TET3: variants seen among roughly 807,000 people sequenced by gnomAD.
TET3 encodes the protein tet methylcytosine dioxygenase 3.
In TET3, 19 loss-of-function variants were observed where a neutral mutation model predicts 141.4. That is an observed-to-expected ratio of 0.13 (90% CI 0.09 to 0.20). The LOEUF is 0.20. Ranked by LOEUF, TET3 falls within the 10% of genes least tolerant of loss-of-function variation. The pLI, the probability that TET3 is intolerant of heterozygous loss-of-function variation, is 1.00. For missense variants in TET3, 1,874 were observed against 2,356.9 expected, an observed-to-expected ratio of 0.80 and a Z score of 4.24; for synonymous variants, 1,043 against 980.9, an observed-to-expected ratio of 1.06 and a Z score of -1.18.
At chr2:74,027,991 C>CT (rs936974587) in intron 3 of TET3, among the ~76,000 whole-genome samples, 13 of 149,896 alleles carry the variant, frequency 8.7e-5, no homozygotes, top group East Asian at 1.9e-4. Flanking sequence ...GTTTTTTTCA[C>CT]TTTTTTTTTA....
chr2:74,067,674 T>C (rs1049011996), intron 4 of TET3, among the ~76,000 whole-genome samples: 19 of 152,164 alleles, frequency 1.2e-4, no homozygotes, highest in African/African-American at 4.6e-4. Context: ...AAAAGTGGCA[T>C]TTAAACTAGG....
rs938011492 is a variant in TET3 at position 74,034,073 on chromosome 2, G to A, written c.361-12205G>A. ...ATCGTGCCATTGCACTTTAGTCAGG[G>A]CAACAAGAGCAACACTCTGTCTCAG... On this transcript the variant is annotated intron_variant, in intron 3 of 11. Transcript: ENST00000409262. Among the ~76,000 whole-genome samples the A allele has an allele frequency of 2.0e-5, 3 of 151,410 alleles. No homozygotes were observed. In the South Asian group the frequency reaches 6.2e-4, roughly 31 times the overall value.
chr2:74,098,840 C>T (rs548464162), intron 10 of TET3, among the ~76,000 whole-genome samples: 26 of 152,258 alleles, frequency 1.7e-4, no homozygotes, highest in Middle Eastern at 3.4e-3. Context: ...GTGATCCACC[C>T]GCCTTGGCCT....
At chr2:74,022,094 C>CTTTTTTTTTTTTTTTTTTTTTTTTTTT (rs34529157) in intron 3 of TET3, among the ~76,000 whole-genome samples, 1 of 82,768 alleles carries the variant, frequency 1.2e-5, no homozygotes, top group Admixed American at 1.4e-4. Flanking sequence ...TTCTAGGACA[C>CTTTTTTTTTTTTTTTTTTTTTTTTTTT]TTTTTTTTTT....
chr2:74,055,437 G>GT (rs1275612053), intron 4 of TET3, among the ~76,000 whole-genome samples: 1 of 152,174 alleles, frequency 6.6e-6, no homozygotes, highest in Non-Finnish European at 1.5e-5. Flanking sequence ...AGATTTTAGT[G>GT]TTAAAAAATT....
In TET3 at chr2:73,990,006, TAATC is replaced by T. The variant is rs1429393028; in HGVS notation, c.303+3304_303+3307del. On this transcript the variant is annotated intron_variant, in intron 2 of 11. Coordinates refer to ENST00000409262, the MANE Select transcript of TET3 (RefSeq NM_001287491.2). ...TGCATAATGTCTGGCACATAGTAGG[TAATC>T]AATGCATGATGACAAAACATTCCTA... 2.0e-5 allele frequency among the ~76,000 whole-genome samples: 3 copies of T among 152,264 alleles called. No homozygotes were observed. The East Asian group carries it at 5.8e-4, about 29-fold the overall frequency.
intron 4 of TET3, among the ~76,000 whole-genome samples, chr2:74,056,068 A>G (rs1279651067): frequency 1.3e-5 from 2 of 152,248 alleles, no homozygotes; most frequent in Non-Finnish European, 2.9e-5. Context: ...GTTTGGAAAG[A>G]GTAGATAGGT....
At chr2:74,113,011 A>AC (rs1411767868), downstream of TET3, among the ~76,000 whole-genome samples, 36,180 of 131,120 alleles carry the variant, frequency 0.28, 5,709 homozygotes, top group East Asian at 0.49. Flanking sequence ...CGTCTCAAAA[A>AC]AAAAAAAAAA....
At chr2:74,039,946 G>A (rs79430769) in intron 3 of TET3, among the ~76,000 whole-genome samples, 2,800 of 152,138 alleles carry the variant, frequency 0.018, 88 homozygotes, top group African/African-American at 0.062. Context: ...CTATTATCAC[G>A]AGCCCACCCA....
At chr2:74,072,634 G>C (rs752385505) in intron 4 of TET3, among the ~76,000 whole-genome samples, 3 of 151,872 alleles carry the variant, frequency 2.0e-5, no homozygotes, top group Non-Finnish European at 4.4e-5. Flanking sequence ...ATGTTTATGT[G>C]TACAGTTTAG....
chr2:74,043,801 ACTTAGG>A, intron 3 of TET3, among the ~76,000 whole-genome samples: 2 of 152,198 alleles, frequency 1.3e-5, no homozygotes, highest in South Asian at 4.1e-4. Context: ...TTCCCACCAC[ACTTAGG>A]AGCCCATGAT....
In TET3 at chr2:74,006,527, C is replaced by T. The variant is rs571497635; in HGVS notation, c.360+3361C>T. ...CTGCCCTCAGGGACCACCGTGGGGA[C>T]GACTACAGCCCTTTTGCTGGGCCTG... On this transcript the variant is annotated intron_variant, in intron 3 of 11. Transcript: ENST00000409262. Among the ~76,000 whole-genome samples the T allele has an allele frequency of 1.5e-3, 231 of 152,296 alleles. 2 individuals carry two copies. The highest frequency in any genetic ancestry group is 5.2e-3 in the African/African-American group (218 of 41,574).
intron 4 of TET3, among the ~76,000 whole-genome samples, chr2:74,071,481 T>C (rs1689199119): frequency 6.6e-6 from 1 of 152,200 alleles, no homozygotes; most frequent in Non-Finnish European, 1.5e-5. Context: ...TTTGAAATAA[T>C]TTTACATTTA....
chr2:74,035,041 A>G (rs1479674296), intron 3 of TET3, among the ~76,000 whole-genome samples: 1 of 150,658 alleles, frequency 6.6e-6, no homozygotes, highest in Non-Finnish European at 1.5e-5. Context: ...AAATACAAAA[A>G]AAAAAAAAAA....
the TET3 span, among the ~76,000 whole-genome samples, chr2:74,117,695 A>G: frequency 2.6e-5 from 4 of 152,326 alleles, no homozygotes. Flanking sequence ...CATAAAATAC[A>G]GGTAGATATT....
rs1318432809 is a variant in TET3 at position 74,080,404 on chromosome 2, TCAAA to T, written c.2586-89_2586-86del. On this transcript the variant is annotated intron_variant, in intron 5 of 11. Transcript: ENST00000409262. Reference sequence around the variant, plus strand: ...GTTGCCCCCGACGGTAACCAGAAACTCAAACAAAAGCACACTGAGGCTGTCTTCT... The same window carrying T: ...GTTGCCCCCGACGGTAACCAGAAACTCAAAAGCACACTGAGGCTGTCTTCT... 6.3e-6 allele frequency: 7 copies of T among 1,118,996 alleles called. No homozygotes were observed. The East Asian group carries it at 1.0e-4, about 17-fold the overall frequency. 69.3% of individuals were successfully genotyped at this position (1,118,996 alleles called of 1,614,324 possible). A position where few individuals can be genotyped will look rare whatever the true frequency, so the allele number is the denominator to read the frequency against.
intron 3 of TET3, among the ~76,000 whole-genome samples, chr2:74,018,122 C>T (rs753579000): frequency 2.6e-5 from 4 of 152,068 alleles, no homozygotes; most frequent in African/African-American, 9.7e-5. Context: ...CATGTGCCAC[C>T]GTGCCCGACT....
intron 11 of TET3, 46 bp downstream of exon 11, chr2:74,099,658 C>T (rs781720537): frequency 1.8e-5 from 27 of 1,482,570 alleles, no homozygotes; most frequent in African/African-American, 4.2e-5. Flanking sequence ...TGGCACTGTC[C>T]TCATGGGGGC....
At chr2:73,999,248 G>A (rs1438279096) in intron 2 of TET3, among the ~76,000 whole-genome samples, 1 of 152,150 alleles carries the variant, frequency 6.6e-6, no homozygotes, top group Non-Finnish European at 1.5e-5. Context: ...GCAAGTGAGG[G>A]GGTGGCAAGA....
Sources: allele counts gnomAD v4.1 joint callset (sites outside exome capture counted in the v4.1 genomes callset), GRCh38; gene constraint gnomAD v4.1.1; transcripts MANE v1.5; gene names NCBI Gene and HGNC (gene_info 2026-07-23, HGNC 2026-07-21).